The following NALCN variants were observed in gnomAD, a reference collection of about 807,000 sequenced individuals.
NALCN encodes sodium leak channel, non-selective, also known as sodium leak channel NALCN.
A neutral mutation model predicts 225.3 loss-of-function variants in NALCN; 111 were observed. That is an observed-to-expected ratio of 0.49 (90% CI 0.42 to 0.58). The LOEUF (loss-of-function observed/expected upper bound fraction) is 0.58, where lower values mean the gene tolerates loss of function less well. Among genes scored for constraint, NALCN ranks in the 20% least tolerant of loss-of-function variants. NALCN has a pLI of 0.00. For missense variants in NALCN, 1,378 were observed against 2,202.4 expected (o/e 0.63, Z 7.49); for synonymous variants, 764 against 769.0 (o/e 0.99, Z 0.11).
At chr13:101,143,316 A>G in intron 16 of NALCN, 95 bp from the exon 17 acceptor site, 5 of 1,302,568 alleles carry the variant, frequency 3.8e-6, no homozygotes, top group Non-Finnish European at 5.2e-6. Flanking sequence ...GCAAAGATAA[A>G]GCAGTGATAA....
chr13:101,308,768 G>A (rs1347624980), intron 7 of NALCN, among the ~76,000 whole-genome samples: 3 of 152,086 alleles, frequency 2.0e-5, no homozygotes, highest in African/African-American at 2.4e-5. Context: ...CAGATTGGAC[G>A]GTTCAGGGAA....
At chr13:101,108,991 T>C (rs1009608009) in intron 20 of NALCN, among the ~76,000 whole-genome samples, 4 of 152,094 alleles carry the variant, frequency 2.6e-5, no homozygotes, top group African/African-American at 9.7e-5. Context: ...AAAAATAGGG[T>C]AGGAAGTCTC....
intron 6 of NALCN, among the ~76,000 whole-genome samples, chr13:101,351,028 C>T (rs1300024683): frequency 6.6e-6 from 1 of 152,098 alleles, no homozygotes; most frequent in African/African-American, 2.4e-5. Flanking sequence ...TGTATATACA[C>T]ATACATATAT....
chr13:101,224,644 T>C (rs192381865), intron 13 of NALCN, among the ~76,000 whole-genome samples: 1 of 152,218 alleles, frequency 6.6e-6, no homozygotes, highest in Admixed American at 6.5e-5. Context: ...AATATAACCC[T>C]AACTTATAAA....
At chr13:101,174,312 C>A (rs1029488974) in intron 15 of NALCN, among the ~76,000 whole-genome samples, 2 of 152,080 alleles carry the variant, frequency 1.3e-5, no homozygotes, top group Non-Finnish European at 2.9e-5. Context: ...TAGGCTAGTG[C>A]AATTGGATAA....
intron 6 of NALCN, among the ~76,000 whole-genome samples, chr13:101,370,421 G>A (rs1033833105): frequency 3.9e-5 from 6 of 152,238 alleles, no homozygotes; most frequent in African/African-American, 1.4e-4. Context: ...TGTTATGAAT[G>A]GGAGCTAATG....
chr13:101,078,743 C>T lies in NALCN; in HGVS notation c.3885+2784G>A, dbSNP rs189128742. On this transcript the variant is annotated intron_variant, in intron 34 of 43. Transcript: ENST00000251127. ...TAATGCTGGAATGAATTAAGACTTT[C>T]GGGGACTGTTGGGAGGGTATGATTG... 1.6e-3 allele frequency among the ~76,000 whole-genome samples: 241 copies of T among 152,184 alleles called. 2 individuals are homozygous for T. Among genetic ancestry groups the T allele is most frequent in the Middle Eastern group, 3.4e-3 (1 of 294 alleles).
At chr13:101,108,087 T>G (rs2035238254) in intron 20 of NALCN, among the ~76,000 whole-genome samples, 3 of 148,530 alleles carry the variant, frequency 2.0e-5, no homozygotes, top group African/African-American at 7.3e-5. Flanking sequence ...TATATCTATA[T>G]GAAATGTATA....
chr13:101,203,088 T>C (rs1451811182), intron 13 of NALCN, among the ~76,000 whole-genome samples: 2 of 152,244 alleles, frequency 1.3e-5, no homozygotes, highest in Non-Finnish European at 2.9e-5. Flanking sequence ...ATAACATATA[T>C]GTGAATACTT....
intron 7 of NALCN, among the ~76,000 whole-genome samples, chr13:101,299,185 A>G (rs1401792574): frequency 1.3e-5 from 2 of 152,232 alleles, no homozygotes; most frequent in African/African-American, 4.8e-5. Flanking sequence ...ACTGGAAAGA[A>G]AAGCTTATTT....
intron 3 of NALCN, among the ~76,000 whole-genome samples, chr13:101,394,916 G>C (rs1431899995): frequency 6.6e-6 from 1 of 152,124 alleles, no homozygotes; most frequent in Non-Finnish European, 1.5e-5. Flanking sequence ...CCCTACTCGA[G>C]ACTTCACACA....
At chr13:101,111,859 C>A (rs1333781656) in intron 18 of NALCN, among the ~76,000 whole-genome samples, 2 of 152,178 alleles carry the variant, frequency 1.3e-5, no homozygotes, top group Non-Finnish European at 2.9e-5. Flanking sequence ...ATTGCCCAGT[C>A]TCAGGTATGT....
chr13:101,322,545 C>A (rs1467795201), intron 7 of NALCN, among the ~76,000 whole-genome samples: 1 of 152,076 alleles, frequency 6.6e-6, no homozygotes, highest in Non-Finnish European at 1.5e-5. Context: ...GTTTGATGTG[C>A]TTTTCATTTG....
chr13:101,222,883 C>T (rs1205894571), intron 13 of NALCN, among the ~76,000 whole-genome samples: 4 of 152,184 alleles, frequency 2.6e-5, no homozygotes, highest in Non-Finnish European at 4.4e-5. Flanking sequence ...TGCAGTTATT[C>T]ATGGCAAAGA....
At chr13:101,304,003 T>A (rs2044064784) in intron 7 of NALCN, among the ~76,000 whole-genome samples, 1 of 152,138 alleles carries the variant, frequency 6.6e-6, no homozygotes, top group African/African-American at 2.4e-5. Flanking sequence ...TTTATTTAAT[T>A]CACTATTCAG....
intron 18 of NALCN, among the ~76,000 whole-genome samples, chr13:101,120,459 T>C (rs1166211605): frequency 6.6e-6 from 1 of 151,340 alleles, no homozygotes; most frequent in Admixed American, 6.6e-5. Flanking sequence ...CACCTACAAA[T>C]AGTTGGTATT....
intron 12 of NALCN, among the ~76,000 whole-genome samples, chr13:101,234,895 G>T (rs1463292449): frequency 6.6e-6 from 1 of 151,862 alleles, no homozygotes; most frequent in African/African-American, 2.4e-5. Flanking sequence ...TCTATAAAAT[G>T]GTTACAGCCT....
intron 9 of NALCN, among the ~76,000 whole-genome samples, chr13:101,287,035 T>C (rs187028887): frequency 6.6e-5 from 10 of 152,308 alleles, no homozygotes; most frequent in Admixed American, 2.6e-4. Context: ...GATAACTTAT[T>C]GCTAGAGACT....
chr13:101,083,854 C>G, intron 30 of NALCN, 50 bp from the exon 31 acceptor site: 1 of 1,557,368 alleles, frequency 6.4e-7, no homozygotes, highest in Non-Finnish European at 8.8e-7. Flanking sequence ...TGTGCTTGCA[C>G]CAAGAACATG....
Sources: allele counts gnomAD v4.1 joint callset (sites outside exome capture counted in the v4.1 genomes callset), GRCh38; gene constraint gnomAD v4.1.1; transcripts MANE v1.5; gene names NCBI Gene and HGNC (gene_info 2026-07-23, HGNC 2026-07-21).